SHISAL2A: variants seen among roughly 807,000 people sequenced by gnomAD.
The protein encoded by SHISAL2A is protein shisa-like-2A.
SHISAL2A carries 18 observed loss-of-function variants against 11.5 expected under a neutral mutation model. That is an observed-to-expected ratio of 1.57 (90% CI 1.08 to 2.33). The LOEUF (loss-of-function observed/expected upper bound fraction) is 2.33, where lower values mean the gene tolerates loss of function less well. Among genes scored for constraint, SHISAL2A ranks in the 30% most tolerant of loss-of-function variants. The pLI is 0.00. For missense variants in SHISAL2A, 261 were observed against 250.9 expected, an observed-to-expected ratio of 1.04 and a Z score of -0.27; for synonymous variants, 94 against 99.6, an observed-to-expected ratio of 0.94 and a Z score of 0.34.
chr1:52,658,272 T>C (rs1029628757), downstream of SHISAL2A, among the ~76,000 whole-genome samples: 9 of 152,178 alleles, frequency 5.9e-5, no homozygotes, highest in Admixed American at 5.2e-4. Flanking sequence ...ACTCCTGACC[T>C]CAAGTGATCC....
At chr1:52,636,142 A>G (rs932606254) in intron 1 of SHISAL2A, among the ~76,000 whole-genome samples, 15 of 151,748 alleles carry the variant, frequency 9.9e-5, no homozygotes, top group African/African-American at 3.4e-4. Flanking sequence ...CTTATTATCT[A>G]TGTGGATTGG....
intron 2 of SHISAL2A, among the ~76,000 whole-genome samples, chr1:52,650,048 T>C (rs992563396): frequency 6.6e-6 from 1 of 152,188 alleles, no homozygotes; most frequent in Non-Finnish European, 1.5e-5. Flanking sequence ...GACCTTTCCC[T>C]GCAGCAGCTG....
Position 52,633,250 on chromosome 1 carries a change from G to A in SHISAL2A, c.-244G>A. 3.1e-6 allele frequency: 1 copy of A among 327,464 alleles called. No individual in the cohort carries two copies. Among genetic ancestry groups the A allele is most frequent in the Non-Finnish European group, 5.5e-6 (1 of 181,710 alleles). 20.3% of individuals were successfully genotyped at this position (327,464 alleles called of 1,614,324 possible). On this transcript the variant is annotated 5_prime_UTR_variant, in exon 1 of 3. Transcript: ENST00000517870. This position sits in a 1 kb window ranked among gnomAD's most constrained non-coding sequence, Gnocchi z 6.4. ...CCGCGTTCCAGCAGCCGTCACTCCC[G>A]CCGCCGGCCCCCGCCGCCCGCCCCG...
intron 1 of SHISAL2A, 134 bp from the exon 2 acceptor site, chr1:52,642,728 AT>A (rs1558086773): frequency 3.1e-6 from 3 of 973,958 alleles, no homozygotes; most frequent in Non-Finnish European, 4.6e-6. Context: ...CTGGCCTAAA[AT>A]TTTTTTTAAA....
At chr1:52,646,512 C>CACACAT (rs1300172851) in intron 2 of SHISAL2A, among the ~76,000 whole-genome samples, 1 of 151,858 alleles carries the variant, frequency 6.6e-6, no homozygotes, top group Non-Finnish European at 1.5e-5. Flanking sequence ...CACACACACA[C>CACACAT]ACACACACAC....
intron 2 of SHISAL2A, among the ~76,000 whole-genome samples, chr1:52,654,921 G>A (rs1691757109): frequency 6.6e-6 from 1 of 152,182 alleles, no homozygotes; most frequent in Non-Finnish European, 1.5e-5. Flanking sequence ...GGTGGCTCAT[G>A]CCTGTAATCC....
chr1:52,660,896 T>C (rs971402191), downstream of SHISAL2A, among the ~76,000 whole-genome samples: 1 of 152,182 alleles, frequency 6.6e-6, no homozygotes, highest in Non-Finnish European at 1.5e-5. Context: ...AGATCCCTAA[T>C]CTAGCCAAAG....
intron 4 of SHISAL2A, among the ~76,000 whole-genome samples, chr1:52,663,272 G>A (rs1158951523): frequency 6.6e-6 from 1 of 152,150 alleles, no homozygotes; most frequent in East Asian, 1.9e-4. Context: ...AGAGGCGTGA[G>A]GGATTTGCCC....
rs145407540 is a variant in SHISAL2A at position 52,638,356 on chromosome 1, G to A, written c.183-4507G>A. On this transcript the variant is annotated intron_variant, in intron 1 of 2. Coordinates refer to ENST00000517870, the MANE Select transcript of SHISAL2A (RefSeq NM_001042693.3). The stretch of plus-strand genomic sequence containing the variant: ...GTCCCACACACGGGTCCCAAGCAAA[G>A]CACAATTCTCCTAGATAACAGCCCT... Among the ~76,000 whole-genome samples the A allele has an allele frequency of 6.4e-3, 902 of 142,020 alleles. 5 individuals are homozygous for A. Among genetic ancestry groups the A allele is most frequent in the Non-Finnish European group, 0.01 (689 of 67,046 alleles). 93.2% of individuals were successfully genotyped at this position (142,020 alleles called of 152,430 possible). A position where few individuals can be genotyped will look rare whatever the true frequency, so the allele number is the denominator to read the frequency against.
At chr1:52,641,877 TAGATTGCTTGAGCTCA>T (rs1691373776) in intron 1 of SHISAL2A, among the ~76,000 whole-genome samples, 2 of 151,536 alleles carry the variant, frequency 1.3e-5, no homozygotes, top group Non-Finnish European at 2.9e-5. Flanking sequence ...CCAAAATGAG[TAGATTGCTTGAGCTCA>T]AGAATTTAAG....
chr1:52,642,206 G>T (rs932463353), intron 1 of SHISAL2A, among the ~76,000 whole-genome samples: 1 of 152,122 alleles, frequency 6.6e-6, no homozygotes, highest in Non-Finnish European at 1.5e-5. Flanking sequence ...AGTATGGGGG[G>T]GTCCCCTAAG....
At chr1:52,663,646 A>C (rs1691950939) in intron 4 of SHISAL2A, among the ~76,000 whole-genome samples, 1 of 152,192 alleles carries the variant, frequency 6.6e-6, no homozygotes, top group Non-Finnish European at 1.5e-5. Context: ...CTGTGATCCC[A>C]GCTACTCGGG....
chr1:52,637,808 G>T (rs751177179), intron 1 of SHISAL2A, among the ~76,000 whole-genome samples: 7 of 152,210 alleles, frequency 4.6e-5, no homozygotes, highest in Non-Finnish European at 8.8e-5. Flanking sequence ...GCCCTTGGTT[G>T]TTAGATTGTC....
downstream of SHISAL2A, among the ~76,000 whole-genome samples, chr1:52,660,591 T>G (rs1691889180): frequency 6.6e-6 from 1 of 152,234 alleles, no homozygotes; most frequent in Non-Finnish European, 1.5e-5. Context: ...TGTGTGTGCC[T>G]GCCTGAGAAC....
In SHISAL2A at chr1:52,657,065, A is replaced by G. The variant is rs773877702; in HGVS notation, c.*25A>G. On this transcript the variant is annotated 3_prime_UTR_variant, in exon 3 of 3. Transcript: ENST00000517870. The stretch of plus-strand genomic sequence containing the variant: ...AACATTCAATAAATGTCTCCATACC[A>G]TCCCCTTCTGGAGTCTCTTCAGTGA... The G allele has an allele frequency of 1.6e-5, 25 of 1,558,520 alleles. No homozygotes were observed. The South Asian group carries it at 2.4e-4, about 15-fold the overall frequency.
intron 1 of SHISAL2A, among the ~76,000 whole-genome samples, chr1:52,638,807 G>A (rs965753036): frequency 2.0e-5 from 3 of 152,194 alleles, no homozygotes; most frequent in African/African-American, 7.2e-5. Context: ...GGGCTGGTGG[G>A]GTAAGGAAGG....
At chr1:52,646,662 A>C (rs143627590) in intron 2 of SHISAL2A, among the ~76,000 whole-genome samples, 178 of 152,270 alleles carry the variant, frequency 1.2e-3, no homozygotes, top group Middle Eastern at 3.4e-3. Context: ...GAGTAGCAAA[A>C]AATTTGATTT....
At chr1:52,645,397 G>C (rs971400455) in intron 2 of SHISAL2A, among the ~76,000 whole-genome samples, 5 of 88,780 alleles carry the variant, frequency 5.6e-5, no homozygotes, top group African/African-American at 2.1e-4. Flanking sequence ...AGGCTTCAAC[G>C]TTTTGTTTTG....
chr1:52,651,185 C>T (rs1571693464), intron 2 of SHISAL2A, among the ~76,000 whole-genome samples: 1 of 151,766 alleles, frequency 6.6e-6, no homozygotes, highest in Non-Finnish European at 1.5e-5. Flanking sequence ...CCTGAGGGTC[C>T]CCAAACATAG....
Sources: gnomAD v4.1 joint callset for allele counts (sites outside exome capture counted in the v4.1 genomes callset) on GRCh38, gnomAD v4.1.1 for gene constraint, Gnocchi (gnomAD v3.1) non-coding constraint, MANE v1.5 for transcripts, NCBI Gene and HGNC (gene_info 2026-07-23, HGNC 2026-07-21) for gene names.